ACYP2: variants seen among roughly 807,000 people sequenced by gnomAD.
ACYP2 encodes acylphosphatase 2.
In ACYP2, 12 loss-of-function variants were observed where a neutral mutation model predicts 11.2. The observed-to-expected ratio is 1.08, with a 90% confidence interval of 0.69 to 1.74. The LOEUF is 1.74. Ranked by LOEUF, ACYP2 falls within the 40% of genes most tolerant of loss-of-function variation. The pLI is 0.00. For missense variants in ACYP2, 134 were observed against 101.9 expected, an observed-to-expected ratio of 1.31 and a Z score of -1.35; for synonymous variants, 43 against 32.2, an observed-to-expected ratio of 1.33 and a Z score of -1.13.
chr2:54,201,650 C>G (rs894436447), intron 6 of ACYP2, among the ~76,000 whole-genome samples: 19 of 87,014 alleles, frequency 2.2e-4, no homozygotes, highest in East Asian at 1.8e-3. Flanking sequence ...TTCTTTCTTT[C>G]TTTCTTTCTT....
intron 2 of ACYP2, among the ~76,000 whole-genome samples, chr2:54,030,854 G>T (rs1469563130): frequency 6.6e-6 from 1 of 152,000 alleles, no homozygotes; most frequent in Non-Finnish European, 1.5e-5. Context: ...GTTTCCTTCA[G>T]TAGAAATATA....
chr2:54,096,255 T>C, intron 4 of ACYP2, among the ~76,000 whole-genome samples: 1 of 137,834 alleles, frequency 7.3e-6, no homozygotes, highest in African/African-American at 2.8e-5. Flanking sequence ...GCAGAGGCGC[T>C]CCCCACATCT....
At chr2:54,012,296 A>G (rs866425103) in intron 2 of ACYP2, among the ~76,000 whole-genome samples, 1 of 151,860 alleles carries the variant, frequency 6.6e-6, no homozygotes, top group Non-Finnish European at 1.5e-5. Context: ...ACTTAAGTTT[A>G]GGAGTTCAAG....
At chr2:54,062,346 TG>T (rs1435933602) in intron 4 of ACYP2, among the ~76,000 whole-genome samples, 4 of 152,236 alleles carry the variant, frequency 2.6e-5, no homozygotes, top group Non-Finnish European at 5.9e-5. Context: ...TGTTTTTATC[TG>T]GTAGATTATT....
intron 6 of ACYP2, among the ~76,000 whole-genome samples, chr2:54,269,431 A>G (rs916620331): frequency 1.3e-5 from 2 of 152,364 alleles, no homozygotes; most frequent in South Asian, 2.1e-4. Context: ...AAGAATTATG[A>G]TAAGAATAAA....
Position 54,095,263 on chromosome 2 carries a change from C to T in ACYP2, c.277+37903C>T, listed in dbSNP as rs891821073. Among the ~76,000 whole-genome samples, 8 of 152,330 alleles carry T rather than the reference C, an allele frequency of 5.3e-5. No homozygotes were observed. In the East Asian group the frequency reaches 1.3e-3, roughly 26 times the overall value. On this transcript the variant is annotated intron_variant, in intron 4 of 6. Transcript: ENST00000607452. ...TAATTTTTCTTAGTACAGAACAAAACGAAGTCTCCCATGTCTACTTCTTTC... is the reference window on the plus strand; with the variant it reads ...TAATTTTTCTTAGTACAGAACAAAATGAAGTCTCCCATGTCTACTTCTTTC...
intron 6 of ACYP2, among the ~76,000 whole-genome samples, chr2:54,157,615 T>C (rs1434884458): frequency 6.6e-6 from 1 of 152,234 alleles, no homozygotes; most frequent in Admixed American, 6.5e-5. Flanking sequence ...GGTACTAGAA[T>C]TCAGCAGTGA....
chr2:54,180,036 C>G (rs1224345982), intron 6 of ACYP2, among the ~76,000 whole-genome samples: 2 of 152,054 alleles, frequency 1.3e-5, no homozygotes, highest in African/African-American at 2.4e-5. Context: ...CCCATGACCC[C>G]TCCTTGAATT....
chr2:54,245,692 T>C (rs1686916784), intron 6 of ACYP2, among the ~76,000 whole-genome samples: 1 of 150,092 alleles, frequency 6.7e-6, no homozygotes, highest in Admixed American at 6.6e-5. Flanking sequence ...TCAGATCATT[T>C]GCCCATTTTT....
chr2:54,022,163 C>G (rs1172897740), intron 2 of ACYP2, among the ~76,000 whole-genome samples: 1 of 151,902 alleles, frequency 6.6e-6, no homozygotes, highest in Non-Finnish European at 1.5e-5. Flanking sequence ...TTTTTTCCCT[C>G]TCTCCTTCCC....
At chr2:54,158,888 A>T (rs578245455) in intron 6 of ACYP2, among the ~76,000 whole-genome samples, 140 of 152,288 alleles carry the variant, frequency 9.2e-4, no homozygotes, top group African/African-American at 3.2e-3. Flanking sequence ...ACCGTTTGAA[A>T]ACAAATTTGG....
intron 6 of ACYP2, among the ~76,000 whole-genome samples, chr2:54,201,632 CTTTCTCTT>C (rs1684801216): frequency 5.4e-5 from 4 of 74,366 alleles, no homozygotes; most frequent in East Asian, 1.0e-3. Context: ...TTGTTTCTTT[CTTTCTCTT>C]TCTTTCTTTC....
chr2:54,206,828 T>C (rs10188489), intron 6 of ACYP2, among the ~76,000 whole-genome samples: 49,672 of 152,138 alleles, frequency 0.33, 8,900 homozygotes, highest in African/African-American at 0.49. Context: ...CTTTCGTGGG[T>C]TCCATCCATA....
At chr2:54,115,313 C>T in intron 4 of ACYP2, 1 of 484,530 alleles carries the variant, frequency 2.1e-6, no homozygotes, top group South Asian at 3.4e-5. Flanking sequence ...TTGTCAATTA[C>T]ACTTTAATAA....
At chr2:54,217,089 C>A (rs1685587697) in intron 6 of ACYP2, among the ~76,000 whole-genome samples, 2 of 152,138 alleles carry the variant, frequency 1.3e-5, no homozygotes, top group Admixed American at 1.3e-4. Context: ...CTTTAGATCT[C>A]ATTTTCCTTT....
intron 6 of ACYP2, among the ~76,000 whole-genome samples, chr2:54,211,345 A>G (rs1413011669): frequency 6.6e-6 from 1 of 152,240 alleles, no homozygotes; most frequent in Non-Finnish European, 1.5e-5. Flanking sequence ...TAGTTTTTCA[A>G]TTCTAAAGCC....
intron 2 of ACYP2, among the ~76,000 whole-genome samples, chr2:53,980,663 C>A (rs373757766): frequency 6.6e-6 from 1 of 152,136 alleles, no homozygotes; most frequent in South Asian, 2.1e-4. Flanking sequence ...CCTTCACATT[C>A]ACCCACCACA....
chr2:54,225,682 A>C (rs1685985185), intron 6 of ACYP2, among the ~76,000 whole-genome samples: 1 of 152,194 alleles, frequency 6.6e-6, no homozygotes, highest in Non-Finnish European at 1.5e-5. Context: ...GTAGTTTTTA[A>C]AGGAAATAAG....
chr2:54,021,178 G>A (rs923548779), intron 2 of ACYP2, among the ~76,000 whole-genome samples: 1 of 152,196 alleles, frequency 6.6e-6, no homozygotes, highest in African/African-American at 2.4e-5. Flanking sequence ...GTGGTAGGGT[G>A]AGTAGTTTGG....
Sources: gnomAD v4.1 joint callset for allele counts (sites outside exome capture counted in the v4.1 genomes callset) on GRCh38, gnomAD v4.1.1 for gene constraint, MANE v1.5 for transcripts, NCBI Gene and HGNC (gene_info 2026-07-23, HGNC 2026-07-21) for gene names.